RP1L1: variants seen among roughly 807,000 people sequenced by gnomAD.
RP1L1 encodes the protein RP1 like 1, also known as retinitis pigmentosa 1-like 1 protein.
RP1L1 carries 27 observed loss-of-function variants against 15.7 expected under a neutral mutation model. The observed-to-expected ratio is 1.72, with a 90% CI of 1.27 to 2.38. The LOEUF (loss-of-function observed/expected upper bound fraction) is 2.38. Among genes scored for constraint, RP1L1 ranks in the 30% most tolerant of loss-of-function variants. The pLI is 0.00. For missense variants in RP1L1, 4,798 were observed against 3,075.9 expected (o/e 1.56, Z -13.24); for synonymous variants, 1,813 against 1,276.7 (o/e 1.42, Z -8.96).
Position 10,610,977 on chromosome 8 carries a change from C to T in RP1L1, c.3121G>A (p.Gly1041Ser). 6.2e-7 allele frequency: 1 copy of T among 1,612,476 alleles called. No homozygotes were observed. The highest frequency in any genetic ancestry group is 8.5e-7 in the Non-Finnish European group (1 of 1,179,882). ...SSDTGPQSGE[G>S]VPQGAAPEGV... ...TCTGGAGCTGCCCCTTGGGGGACAC[C>T]CTCTCCTGATTGGGGACCAGTGTCA... Residue 1041 changes from glycine to serine, a missense_variant, in exon 4 of 4, where the codon GGT becomes AGT. Physicochemically the swap from Gly to Ser is moderately conservative, Grantham distance 56 (BLOSUM62 0). Coordinates refer to ENST00000382483, the MANE Select transcript of RP1L1 (RefSeq NM_178857.6).
At chr8:10,635,300 AAG>A (rs146022787) in intron 1 of RP1L1, among the ~76,000 whole-genome samples, 42,895 of 152,002 alleles carry the variant, frequency 0.28, 6,504 homozygotes, top group African/African-American at 0.38. Context: ...CACCTTCTCT[AAG>A]AGGGGACCCT....
In RP1L1 at chr8:10,611,644, C is replaced by T. The variant is rs1215977834; in HGVS notation, c.2454G>A (p.Val818=). ...AGCAGCAGTGGCTTCGGTGGGGGCC[C>T]ACCGCCCCTTGCTCAGGCCGTCCAA... is the stretch of plus-strand genomic sequence containing the variant. ...LQVGRPEQGA[V]GPHRSHCCSQ... Residue 818 remains valine, a synonymous_variant, in exon 4 of 4, where the codon GTG becomes GTA. Coordinates refer to ENST00000382483, the MANE Select transcript of RP1L1 (RefSeq NM_178857.6). The T allele has an allele frequency of 6.2e-7, 1 of 1,612,984 alleles. No individual in the cohort carries two copies. The highest frequency in any genetic ancestry group is 8.5e-7 in the Non-Finnish European group (1 of 1,179,900).
At position 10,613,176 on chromosome 8, in the gene RP1L1, C is replaced by G; in HGVS notation, c.922G>C (p.Asp308His). 8.7e-6 allele frequency: 14 copies of G among 1,613,712 alleles called. No individual in the cohort carries two copies. The highest frequency in any genetic ancestry group is 1.1e-5 in the Non-Finnish European group (13 of 1,180,018). Reference sequence around the variant, plus strand: ...TTCATGCGGACCTTCTTCTTCATGTCATCGCCAGCCACCAGCGGGCCCGAC... The same window carrying G: ...TTCATGCGGACCTTCTTCTTCATGTGATCGCCAGCCACCAGCGGGCCCGAC... ...AQSGPLVAGDDMKKKVRMNED... is the reference protein window; with the variant it reads ...AQSGPLVAGDHMKKKVRMNED... The change falls in exon 4 of 4, where the codon GAC (aspartate) becomes CAC (histidine). Residue 308 changes from aspartate to histidine, a missense_variant. Transcript: ENST00000382483.
intron 1 of RP1L1, among the ~76,000 whole-genome samples, chr8:10,632,182 A>T (rs1333887357): frequency 1.3e-5 from 2 of 152,058 alleles, no homozygotes; most frequent in Non-Finnish European, 1.5e-5. Flanking sequence ...CCAACAAACA[A>T]CGGGAAGCAA....
intron 1 of RP1L1, among the ~76,000 whole-genome samples, chr8:10,636,984 A>T (rs927426625): frequency 1.3e-5 from 2 of 152,210 alleles, no homozygotes; most frequent in Non-Finnish European, 2.9e-5. Flanking sequence ...CCCTGACAGC[A>T]GGGCTCTACG....
chr8:10,609,797 C>T lies in RP1L1; in HGVS notation c.4301G>A (p.Arg1434Lys). ...GCACGGCTCTGCAGAGGCAGAGGCTCTTCCTGCTTCCTCCTCCTGGACTGG... is the reference window on the plus strand; with the variant it reads ...GCACGGCTCTGCAGAGGCAGAGGCTTTTCCTGCTTCCTCCTCCTGGACTGG... Reference protein sequence around the residue: ...DDPVQEEEAGRASASAEPCPA... With the variant: ...DDPVQEEEAGKASASAEPCPA... Residue 1434 changes from arginine to lysine, a missense_variant, in exon 4 of 4, where the codon AGA becomes AAA. Coordinates refer to ENST00000382483, the MANE Select transcript of RP1L1 (RefSeq NM_178857.6). 3.1e-6 allele frequency: 5 copies of T among 1,614,054 alleles called. No homozygotes were observed. The highest frequency in any genetic ancestry group is 4.2e-6 in the Non-Finnish European group (5 of 1,180,030).
chr8:10,647,291 C>T (rs1307995098), intron 1 of RP1L1, among the ~76,000 whole-genome samples: 1 of 152,238 alleles, frequency 6.6e-6, no homozygotes, highest in Non-Finnish European at 1.5e-5. Flanking sequence ...GCTGAGCCTG[C>T]TATGGTTGTC....
chr8:10,608,842 G>A lies in RP1L1; in HGVS notation c.5256C>T (p.Leu1752=). The change falls in exon 4 of 4, where the codon CTC becomes CTT. Residue 1752 remains leucine, a synonymous_variant. Coordinates refer to ENST00000382483, the MANE Select transcript of RP1L1 (RefSeq NM_178857.6). ...CGAGTTTGGGATCTTTGTCTCTGTT[G>A]AGTCTCTGGCTCCCCTCGCCATCCT... ...EGEDGEGSQR[L]NRDKDPKLGE... is the part of the protein sequence containing the mutation. The A allele has an allele frequency of 1.2e-6, 2 of 1,614,000 alleles. No homozygotes were observed. The highest frequency in any genetic ancestry group is 1.3e-5 in the African/African-American group (1 of 74,994).
At chr8:10,642,553 C>T (rs1009091039) in intron 1 of RP1L1, among the ~76,000 whole-genome samples, 1 of 152,206 alleles carries the variant, frequency 6.6e-6, no homozygotes, top group Non-Finnish European at 1.5e-5. Flanking sequence ...TGCCAATGAT[C>T]ACAGAGACAT....
intron 1 of RP1L1, among the ~76,000 whole-genome samples, chr8:10,634,299 C>T (rs1047100400): frequency 1.3e-5 from 2 of 152,138 alleles, no homozygotes; most frequent in Admixed American, 6.5e-5. Flanking sequence ...TCCCAGGACC[C>T]GAGAAGGAGC....
At position 10,612,472 on chromosome 8, in the gene RP1L1, A is replaced by G; in HGVS notation, c.1626T>C (p.His542=). 4.3e-6 allele frequency: 7 copies of G among 1,612,630 alleles called. No homozygotes were observed. The highest frequency in any genetic ancestry group is 1.1e-5 in the South Asian group (1 of 91,066). Residue 542 remains histidine (H), a synonymous_variant, in exon 4 of 4, where the codon CAT becomes CAC. Transcript: ENST00000382483. ...GCCCACCCCATTCGCTGGATCCCTC[A>G]TGAGAGCCGGTGCTGGCTGACGAGT... ...SSDSSASTGS[H]EGSSEWGGRP... is the part of the protein sequence containing the mutation.
At position 10,609,183 on chromosome 8, in the gene RP1L1, G is replaced by A. The variant is rs1585961097; in HGVS notation, c.4915C>T (p.Leu1639Phe). The part of the protein sequence containing the change: ...LSFTLEDEPA[L>F]STALGSQLGE... ...AGCTGGCTCCCCAGGGCTGTGCTGA[G>A]GGCTGGCTCGTCCTCCAGGGTGAAG... Residue 1639 changes from leucine (L) to phenylalanine (F), a missense_variant, in exon 4 of 4, where the codon CTC (leucine) becomes TTC (phenylalanine). Transcript: ENST00000382483. 2.5e-6 allele frequency: 4 copies of A among 1,611,842 alleles called. No homozygotes were observed. The highest frequency in any genetic ancestry group is 1.7e-5 in the Admixed American group (1 of 60,020).
Position 10,622,653 on chromosome 8 carries a change from G to A in RP1L1, c.549C>T (p.Gly183=), listed in dbSNP as rs200762007. 1.8e-4 allele frequency: 293 copies of A among 1,614,094 alleles called. No homozygotes were observed. Among genetic ancestry groups the A allele is most frequent in the Middle Eastern group, 1.2e-3 (7 of 6,084 alleles). Residue 183 remains glycine, a synonymous_variant, in exon 2 of 4, where the codon GGC becomes GGT. Transcript: ENST00000382483. ...RNTRNLAAFL[G]KASDLLRFPV... is the part of the protein sequence containing the mutation. ...GAAAGCGCAGGAGATCTGAGGCTTTGCCGAGAAAGGCGGCCAGGTTCCTAG... is the reference window on the plus strand; with the variant it reads ...GAAAGCGCAGGAGATCTGAGGCTTTACCGAGAAAGGCGGCCAGGTTCCTAG...
At chr8:10,626,641 A>AC (rs1242128302) in intron 1 of RP1L1, among the ~76,000 whole-genome samples, 1 of 152,238 alleles carries the variant, frequency 6.6e-6, no homozygotes, top group East Asian at 1.9e-4. Flanking sequence ...AATGAAAAAA[A>AC]GAAACAGTGA....
In RP1L1 at chr8:10,612,288, C is replaced by T. The variant is rs1474979716; in HGVS notation, c.1810G>A (p.Ala604Thr). 1 of 1,613,254 alleles carries T rather than the reference C, an allele frequency of 6.2e-7. No individual in the cohort carries two copies. The highest frequency in any genetic ancestry group is 1.1e-5 in the South Asian group (1 of 91,088). ...QGQGTEQATG[A>T]AVTREPLVLG... ...ACCAGAGGCTCCCTTGTCACAGCCG[C>T]TCCCGTGGCCTGCTCGGTGCCCTGT... The change falls in exon 4 of 4, where the codon GCG becomes ACG. Residue 604 changes from alanine to threonine, a missense_variant. Transcript: ENST00000382483.
In RP1L1 at chr8:10,611,176, C is replaced by A. The variant is rs774386750; in HGVS notation, c.2922G>T (p.Glu974Asp). 6.2e-7 allele frequency: 1 copy of A among 1,612,994 alleles called. No individual in the cohort carries two copies. Among genetic ancestry groups the A allele is most frequent in the Non-Finnish European group, 8.5e-7 (1 of 1,180,036 alleles). Residue 974 changes from glutamate (E) to aspartate (D), a missense_variant, in exon 4 of 4, where the codon GAG becomes GAT. Glu to Asp is a conservative substitution (Grantham distance 45). Coordinates refer to ENST00000382483, the MANE Select transcript of RP1L1 (RefSeq NM_178857.6). ...CTGCACCTGTGGTCTCGTCCGCCAACTCATATGTCATGAGTATGGGCTCTT... is the reference window on the plus strand; with the variant it reads ...CTGCACCTGTGGTCTCGTCCGCCAAATCATATGTCATGAGTATGGGCTCTT... ...IPEEPILMTY[E>D]LADETTGAAG... is the part of the protein sequence containing the mutation.
At chr8:10,625,665 G>A (rs1365690778) in intron 1 of RP1L1, among the ~76,000 whole-genome samples, 2 of 152,218 alleles carry the variant, frequency 1.3e-5, no homozygotes, top group Non-Finnish European at 2.9e-5. Context: ...CGGGCAGGTA[G>A]AATGCATTGG....
At chr8:10,636,180 C>G (rs7014997) in intron 1 of RP1L1, among the ~76,000 whole-genome samples, 16,351 of 152,280 alleles carry the variant, frequency 0.11, 984 homozygotes, top group Non-Finnish European at 0.13. Flanking sequence ...TGGGCCTTGC[C>G]ATCGCTCAGA....
chr8:10,609,368 T>C lies in RP1L1; in HGVS notation c.4730A>G (p.Gln1577Arg). 2 of 1,612,562 alleles carry C rather than the reference T, an allele frequency of 1.2e-6. No individual in the cohort carries two copies. Among genetic ancestry groups the C allele is most frequent in the South Asian group, 1.1e-5 (1 of 91,046 alleles). The stretch of plus-strand genomic sequence containing the variant: ...CCTACCCGCCCGGCCCTGGAGCTTC[T>C]GGAGCTCTCTCTTGGTGCTGTCCTG... ...RLQDSTKREL[Q>R]KLQGRAGRMV... is the part of the protein sequence containing the mutation. Residue 1577 changes from glutamine to arginine, a missense_variant, in exon 4 of 4, where the codon CAG (glutamine) becomes CGG (arginine). Transcript: ENST00000382483.
Sources: allele counts gnomAD v4.1 joint callset (sites outside exome capture counted in the v4.1 genomes callset), GRCh38; gene constraint gnomAD v4.1.1; transcripts MANE v1.5; gene names NCBI Gene and HGNC (gene_info 2026-07-23, HGNC 2026-07-21).